The following TENM3 variants were observed in gnomAD, a reference collection of about 807,000 sequenced individuals.
TENM3 encodes the protein teneurin-3.
Under a neutral mutation model 255.1 loss-of-function variants are expected in TENM3, and 63 were observed. The observed-to-expected ratio is 0.25, with a 90% confidence interval of 0.20 to 0.30. The LOEUF is 0.30. Ranked by LOEUF, TENM3 falls within the 10% of genes least tolerant of loss-of-function variation. TENM3 has a pLI of 1.00. For synonymous variants in TENM3, 1,306 were observed against 1,322.3 expected, an observed-to-expected ratio of 0.99 and a Z score of 0.27; for missense variants, 2,929 against 3,461.1, an observed-to-expected ratio of 0.85 and a Z score of 3.86.
At chr4:181,910,920 A>G in the TENM3 span, among the ~76,000 whole-genome samples, 1 of 152,086 alleles carries the variant, frequency 6.6e-6, no homozygotes, top group Non-Finnish European at 1.5e-5. Flanking sequence ...TCATAGTTTC[A>G]TTAGCTTTTT....
the TENM3 span, among the ~76,000 whole-genome samples, chr4:181,626,876 A>C: frequency 6.6e-6 from 1 of 152,252 alleles, no homozygotes; most frequent in African/African-American, 2.4e-5. Context: ...CGTGAAAAAT[A>C]GATAATTGGA....
rs1470808625 is a variant in TENM3 at position 182,658,332 on chromosome 4, T to TA, written c.1111+4440dup. Among the ~76,000 whole-genome samples the TA allele has an allele frequency of 3.3e-5, 5 of 152,326 alleles. No homozygotes were observed. In the East Asian group the frequency reaches 5.8e-4, roughly 18 times the overall value. On this transcript the variant is annotated intron_variant, in intron 6 of 27. Transcript: ENST00000511685. ...ACCTCCCGTCTACCTGATCCCTAAA[T>TA]ACTGCTGTTTCTCAGGACTCTGCGC...
chr4:181,510,720 A>G, the TENM3 span, among the ~76,000 whole-genome samples: 5 of 152,202 alleles, frequency 3.3e-5, no homozygotes, highest in Non-Finnish European at 7.4e-5. Context: ...CACGCAGCCA[A>G]TGGGAGGTTC....
intron 1 of TENM3, among the ~76,000 whole-genome samples, chr4:182,294,858 A>G (rs1761362600): frequency 6.6e-6 from 1 of 152,208 alleles, no homozygotes; most frequent in Non-Finnish European, 1.5e-5. Flanking sequence ...AGCATAATGT[A>G]TATGCCCATT....
chr4:181,914,375 C>G, the TENM3 span, among the ~76,000 whole-genome samples: 1 of 152,180 alleles, frequency 6.6e-6, no homozygotes, highest in African/African-American at 2.4e-5. Context: ...CACCCCTAAT[C>G]CTGCAGGCAA....
At chr4:181,902,505 A>G in the TENM3 span, among the ~76,000 whole-genome samples, 1 of 152,334 alleles carries the variant, frequency 6.6e-6, no homozygotes, top group East Asian at 1.9e-4. Context: ...TGAGATAGCA[A>G]AGACTTGGAA....
At chr4:182,637,117 C>A (rs1751910338) in intron 5 of TENM3, among the ~76,000 whole-genome samples, 1 of 151,882 alleles carries the variant, frequency 6.6e-6, no homozygotes. Context: ...AAGTAAATGG[C>A]ATAAATAAGG....
Position 182,635,581 on chromosome 4 carries a change from A to G in TENM3, c.988+6692A>G, listed in dbSNP as rs114664638. 4.2e-3 allele frequency among the ~76,000 whole-genome samples: 639 copies of G among 152,348 alleles called. 1 individual carries two copies. Among genetic ancestry groups the G allele is most frequent in the South Asian group, 0.01 (50 of 4,832 alleles). On this transcript the variant is annotated intron_variant, in intron 5 of 27. Coordinates refer to ENST00000511685, the MANE Select transcript of TENM3 (RefSeq NM_001080477.4). Reference sequence around the variant, plus strand: ...TTGTTTTTCTTATGAGCTCCTGACAAGTATAGCAAACCGGAGAACTACTCA... The same window carrying G: ...TTGTTTTTCTTATGAGCTCCTGACAGGTATAGCAAACCGGAGAACTACTCA...
chr4:181,992,906 C>T, the TENM3 span, among the ~76,000 whole-genome samples: 1 of 152,094 alleles, frequency 6.6e-6, no homozygotes, highest in Non-Finnish European at 1.5e-5. Flanking sequence ...TTAAGTGGCT[C>T]TACAATTCCA....
intron 1 of TENM3, among the ~76,000 whole-genome samples, chr4:182,271,103 A>G (rs1202736406): frequency 6.6e-6 from 1 of 152,240 alleles, no homozygotes; most frequent in East Asian, 1.9e-4. Flanking sequence ...ACTATAGTTC[A>G]GGACATAGAA....
At chr4:181,793,536 C>G in the TENM3 span, among the ~76,000 whole-genome samples, 3 of 152,308 alleles carry the variant, frequency 2.0e-5, no homozygotes, top group Admixed American at 1.3e-4. Context: ...AAATATGGTT[C>G]ATTCACTGTG....
chr4:181,913,248 G>C, the TENM3 span, among the ~76,000 whole-genome samples: 8 of 152,238 alleles, frequency 5.3e-5, no homozygotes, highest in South Asian at 1.7e-3. Flanking sequence ...TGAATGATTT[G>C]AGATATAAAA....
rs189406964 is a variant in TENM3 at position 182,393,662 on chromosome 4, G to A, written c.511+46733G>A. 2.6e-5 allele frequency among the ~76,000 whole-genome samples: 4 copies of A among 152,184 alleles called. No individual in the cohort carries two copies. The East Asian group carries it at 7.7e-4, about 29-fold the overall frequency. ...TTAAGATACAGGATTTCTTTTATGTGATCCTTTGCATTGATATTATTTTTA... is the reference window on the plus strand; with the variant it reads ...TTAAGATACAGGATTTCTTTTATGTAATCCTTTGCATTGATATTATTTTTA... On this transcript the variant is annotated intron_variant, in intron 3 of 27. Transcript: ENST00000511685.
the TENM3 span, among the ~76,000 whole-genome samples, chr4:181,817,187 G>A: frequency 6.6e-6 from 1 of 152,154 alleles, no homozygotes; most frequent in Non-Finnish European, 1.5e-5. Context: ...ACTTTAAATT[G>A]AATATTGAGC....
intron 3 of TENM3, among the ~76,000 whole-genome samples, chr4:182,431,304 G>T (rs961676859): frequency 1.7e-4 from 26 of 151,782 alleles, no homozygotes; most frequent in Admixed American, 3.3e-4. Flanking sequence ...GACCATCCTG[G>T]CCAACATGGT....
chr4:181,466,326 T>C, the TENM3 span, among the ~76,000 whole-genome samples: 1 of 151,888 alleles, frequency 6.6e-6, no homozygotes, highest in East Asian at 1.9e-4. Context: ...CCATGTTGAT[T>C]AGGCTGGTCT....
chr4:182,481,232 A>G (rs59901135), intron 3 of TENM3, among the ~76,000 whole-genome samples: 3,553 of 152,272 alleles, frequency 0.023, 135 homozygotes, highest in African/African-American at 0.078. Context: ...AAATGTAACA[A>G]TAAACAAGGA....
chr4:182,131,854 T>C, the TENM3 span, among the ~76,000 whole-genome samples: 2 of 152,212 alleles, frequency 1.3e-5, no homozygotes, highest in South Asian at 2.1e-4. Flanking sequence ...TTTCAATGAT[T>C]TGTAATTTCA....
intron 26 of TENM3, among the ~76,000 whole-genome samples, chr4:182,795,218 T>C (rs371713293): frequency 2.4e-4 from 37 of 152,092 alleles, no homozygotes; most frequent in African/African-American, 7.7e-4. Context: ...GCACCCTTAT[T>C]CTCATTCAGG....
Sources: allele counts gnomAD v4.1 joint callset (sites outside exome capture counted in the v4.1 genomes callset), GRCh38; gene constraint gnomAD v4.1.1; transcripts MANE v1.5; gene names NCBI Gene and HGNC (gene_info 2026-07-23, HGNC 2026-07-21).